AP1S3: variants seen among roughly 807,000 people sequenced by gnomAD.
AP1S3 encodes the protein adaptor related protein complex 1 subunit sigma 3.
In AP1S3, 10 loss-of-function variants were observed where a neutral mutation model predicts 20.9. The ratio of observed to expected loss-of-function variants is 0.48; its 90% CI spans 0.29 to 0.81. The LOEUF is 0.81. AP1S3 is among the 30% of genes least tolerant of loss of function. The pLI is 0.08. For missense variants in AP1S3, 154 were observed against 183.8 expected, an observed-to-expected ratio of 0.84 and a Z score of 0.94; for synonymous variants, 41 against 61.5, an observed-to-expected ratio of 0.67 and a Z score of 1.56.
intron 1 of AP1S3, among the ~76,000 whole-genome samples, chr2:223,828,422 G>A (rs1209334581): frequency 4.6e-5 from 7 of 150,764 alleles, no homozygotes; most frequent in South Asian, 4.2e-4. Flanking sequence ...TCAGCCTCCC[G>A]AGTAACCGGG....
rs559232328 is a variant in AP1S3, at chr2:223,770,392, C to T, written c.292-5042G>A. On this transcript the variant is annotated intron_variant, in intron 3 of 4. Transcript: ENST00000396654. Reference sequence around the variant, plus strand: ...GAACTTCTTATACCCCACTTTGACACGTCCCCAGGTCTGGGTCCTCCAGCA... The same window carrying T: ...GAACTTCTTATACCCCACTTTGACATGTCCCCAGGTCTGGGTCCTCCAGCA... 9 of 1,540,288 alleles carry T rather than the reference C, an allele frequency of 5.8e-6. No homozygotes were observed. The Admixed American group carries it at 8.0e-5, about 14-fold the overall frequency.
At chr2:223,819,270 T>G (rs951071840) in intron 1 of AP1S3, among the ~76,000 whole-genome samples, 23 of 152,224 alleles carry the variant, frequency 1.5e-4, no homozygotes, top group South Asian at 1.4e-3. Flanking sequence ...TTTTTGTTTA[T>G]TTTTAATCAT....
chr2:223,780,767 G>C (rs1038647787), intron 1 of AP1S3, among the ~76,000 whole-genome samples: 2 of 150,170 alleles, frequency 1.3e-5, no homozygotes, highest in African/African-American at 2.5e-5. Flanking sequence ...TTTTTTTCTG[G>C]TAACTACAAA....
chr2:223,781,132 G>T (rs903650133), intron 1 of AP1S3, among the ~76,000 whole-genome samples: 1 of 151,952 alleles, frequency 6.6e-6, no homozygotes, highest in African/African-American at 2.4e-5. Context: ...TCTTTTTTAT[G>T]CTGTGTAGTA....
intron 1 of AP1S3, among the ~76,000 whole-genome samples, chr2:223,825,108 G>T (rs1692093922): frequency 6.6e-6 from 1 of 151,826 alleles, no homozygotes; most frequent in East Asian, 2.0e-4. Flanking sequence ...AGGAGATCTA[G>T]ACCATCCTGG....
rs1213407945 is a variant in AP1S3 at position 223,786,864 on chromosome 2, C to A, written c.4-8995G>T. Among the ~76,000 whole-genome samples the A allele has an allele frequency of 3.3e-5, 5 of 151,982 alleles. No individual in the cohort carries two copies. The East Asian group carries it at 9.7e-4, about 29-fold the overall frequency. Reference sequence around the variant, plus strand: ...AGGCTGCAGTGAGCTGAGATCATGCCACTGCCCTCCAGCCTGGGTGACAAA... The same window carrying A: ...AGGCTGCAGTGAGCTGAGATCATGCAACTGCCCTCCAGCCTGGGTGACAAA... On this transcript the variant is annotated intron_variant, in intron 1 of 4. Transcript: ENST00000396654.
At chr2:223,809,372 T>A (rs1039004243) in intron 1 of AP1S3, among the ~76,000 whole-genome samples, 1 of 152,094 alleles carries the variant, frequency 6.6e-6, no homozygotes, top group Non-Finnish European at 1.5e-5. Context: ...TGGCTGGGCA[T>A]GGTGGCTCAC....
At chr2:223,768,167 A>G (rs1405562266) in intron 3 of AP1S3, among the ~76,000 whole-genome samples, 1 of 152,140 alleles carries the variant, frequency 6.6e-6, no homozygotes, top group African/African-American at 2.4e-5. Flanking sequence ...GTTCTCATCC[A>G]TGCATCTGAC....
intron 1 of AP1S3, among the ~76,000 whole-genome samples, chr2:223,792,088 G>T (rs931871951): frequency 2.6e-5 from 4 of 152,136 alleles, no homozygotes; most frequent in African/African-American, 9.7e-5. Flanking sequence ...GCAATGTACA[G>T]ATTCAATGCC....
intron 3 of AP1S3, chr2:223,770,287 A>G: frequency 6.4e-7 from 1 of 1,550,650 alleles, no homozygotes; most frequent in Non-Finnish European, 8.7e-7. Flanking sequence ...AATCCAAGAC[A>G]GACAGGAGCC....
At chr2:223,788,779 A>G (rs113384154) in intron 1 of AP1S3, among the ~76,000 whole-genome samples, 11,902 of 145,544 alleles carry the variant, frequency 0.082, 729 homozygotes, top group East Asian at 0.22. Flanking sequence ...AAAAAAAAAA[A>G]AAGAAGAAGA....
At chr2:223,780,053 G>A (rs1212144942) in intron 1 of AP1S3, among the ~76,000 whole-genome samples, 1 of 151,672 alleles carries the variant, frequency 6.6e-6, no homozygotes, top group African/African-American at 2.4e-5. Flanking sequence ...ACTAGGTGGC[G>A]ATATCTGAGG....
At chr2:223,814,208 A>G (rs1691795397) in intron 1 of AP1S3, among the ~76,000 whole-genome samples, 1 of 152,186 alleles carries the variant, frequency 6.6e-6, no homozygotes, top group African/African-American at 2.4e-5. Flanking sequence ...TGACTCTGGG[A>G]GAAAGACTTC....
chr2:223,758,718 A>C lies in AP1S3; in HGVS notation c.462T>G (p.Phe154Leu). Residue 154 changes from phenylalanine (F) to leucine (L), a missense_variant, in exon 5 of 5, where the codon TTT becomes TTG. By Grantham distance (22) the Phe-to-Leu change is conservative. Coordinates refer to ENST00000396654, the MANE Select transcript of AP1S3 (RefSeq NM_001039569.2). ...TMEEYMNKPTF is the reference protein window; with the variant it reads ...TMEEYMNKPTL Reference sequence around the variant, plus strand: ...GAGTCTTCAAGTAGATTTCCAGTTAAAATGTAGGCTTGTTCATGTATTCTT... The same window carrying C: ...GAGTCTTCAAGTAGATTTCCAGTTACAATGTAGGCTTGTTCATGTATTCTT... The C allele has an allele frequency of 4.4e-6, 7 of 1,608,806 alleles. 1 individual carries two copies.
intron 1 of AP1S3, among the ~76,000 whole-genome samples, chr2:223,818,348 C>A (rs533113165): frequency 5.4e-4 from 81 of 150,900 alleles, no homozygotes; most frequent in African/African-American, 1.8e-3. Context: ...GTCCAGGAGG[C>A]AGAGGTTGCA....
chr2:223,787,749 A>AACAC (rs34596037), intron 1 of AP1S3, among the ~76,000 whole-genome samples: 6 of 151,416 alleles, frequency 4.0e-5, no homozygotes, highest in South Asian at 4.2e-4. Flanking sequence ...ATGCATATGC[A>AACAC]ACACACACAC....
intron 3 of AP1S3, among the ~76,000 whole-genome samples, chr2:223,774,210 T>C (rs1339022475): frequency 6.6e-6 from 1 of 151,898 alleles, no homozygotes; most frequent in Non-Finnish European, 1.5e-5. Context: ...AATAAAAATA[T>C]AAAAATGAGC....
Position 223,755,937 on chromosome 2 carries a change from A to C in AP1S3, c.*2778T>G, listed in dbSNP as rs1273487867. The C allele has an allele frequency of 2.0e-6, 2 of 985,358 alleles. No homozygotes were observed. The highest frequency in any genetic ancestry group is 2.4e-6 in the Non-Finnish European group (2 of 829,946). 61.0% of individuals were successfully genotyped at this position (985,358 alleles called of 1,614,324 possible). A position where few individuals can be genotyped will look rare whatever the true frequency, so the allele number is the denominator to read the frequency against. On this transcript the variant is annotated 3_prime_UTR_variant, in exon 5 of 5. Transcript: ENST00000396654. ...TCCAGAACATGTGTAGTATATTTGA[A>C]TGAGGTTCAAGAGATACCTTTATCC...
chr2:223,811,970 C>A (rs141483831), intron 1 of AP1S3, among the ~76,000 whole-genome samples: 1 of 152,164 alleles, frequency 6.6e-6, no homozygotes, highest in Non-Finnish European at 1.5e-5. Context: ...GGGAGATTAA[C>A]GTGAGATGAT....
Sources: gnomAD v4.1 joint callset for allele counts (sites outside exome capture counted in the v4.1 genomes callset) on GRCh38, gnomAD v4.1.1 for gene constraint, MANE v1.5 for transcripts, NCBI Gene and HGNC (gene_info 2026-07-23, HGNC 2026-07-21) for gene names.